The following SHISA9 variants were observed in gnomAD, a reference collection of about 807,000 sequenced individuals.
The protein encoded by SHISA9 is protein shisa-9.
In SHISA9, 13 loss-of-function variants were observed where a neutral mutation model predicts 38.0. That is an observed-to-expected ratio of 0.34 (90% CI 0.22 to 0.54). SHISA9 has a LOEUF of 0.54. Ranked by LOEUF, SHISA9 falls within the 20% of genes least tolerant of loss-of-function variation. SHISA9 has a pLI of 0.91. For synonymous variants in SHISA9, 275 were observed against 242.0 expected (o/e 1.14, Z -1.27); for missense variants, 538 against 575.8 (o/e 0.93, Z 0.67).
intron 2 of SHISA9, among the ~76,000 whole-genome samples, chr16:12,987,195 G>A (rs16960947): frequency 0.015 from 2,324 of 152,176 alleles, 56 homozygotes; most frequent in African/African-American, 0.052. Context: ...GCCTCTGTCC[G>A]TAGATCTATA....
rs562670891 is a variant in SHISA9 at position 13,013,758 on chromosome 16, C to T, written c.691+96943C>T. 9.9e-5 allele frequency among the ~76,000 whole-genome samples: 15 copies of T among 151,864 alleles called. 1 individual carries two copies. In the South Asian group the frequency reaches 2.7e-3, roughly 27 times the overall value. On this transcript the variant is annotated intron_variant, in intron 2 of 4. Transcript: ENST00000558583. ...CTTTTTTTTTTTTGAGACGGAGTCT[C>T]GCTCTGTCGCCCAGGCTGGAGTGCA...
At chr16:13,426,039 C>T in the SHISA9 span, among the ~76,000 whole-genome samples, 1 of 152,072 alleles carries the variant, frequency 6.6e-6, no homozygotes, top group Non-Finnish European at 1.5e-5. Flanking sequence ...TTATCTTCCC[C>T]TTTCTGAGCC....
intron 2 of SHISA9, among the ~76,000 whole-genome samples, chr16:13,165,042 G>A (rs1293549824): frequency 6.6e-6 from 1 of 152,084 alleles, no homozygotes; most frequent in Admixed American, 6.5e-5. Flanking sequence ...CAGCAATTTA[G>A]TTAAGGTATG....
the SHISA9 span, among the ~76,000 whole-genome samples, chr16:13,453,358 G>A: frequency 2.0e-5 from 3 of 152,170 alleles, no homozygotes; most frequent in East Asian, 1.9e-4. Flanking sequence ...CTGTAATTCT[G>A]TAACTCCCTG....
At chr16:13,490,334 G>A in the SHISA9 span, among the ~76,000 whole-genome samples, 21 of 152,148 alleles carry the variant, frequency 1.4e-4, no homozygotes, top group African/African-American at 5.1e-4. Context: ...AGGCTGAGGC[G>A]GGTGGATTGC....
chr16:13,424,263 C>T, the SHISA9 span, among the ~76,000 whole-genome samples: 1 of 152,234 alleles, frequency 6.6e-6, no homozygotes, highest in Non-Finnish European at 1.5e-5. Flanking sequence ...CCGCATTGAG[C>T]TGGGCTCAAA....
At chr16:13,290,570 C>A in the SHISA9 span, among the ~76,000 whole-genome samples, 1 of 152,106 alleles carries the variant, frequency 6.6e-6, no homozygotes, top group Admixed American at 6.6e-5. Flanking sequence ...AGCCCTGAAT[C>A]CAACTAAACC....
intron 2 of SHISA9, among the ~76,000 whole-genome samples, chr16:13,144,098 A>G (rs1400758323): frequency 1.3e-5 from 2 of 150,550 alleles, no homozygotes; most frequent in Non-Finnish European, 2.9e-5. Flanking sequence ...GCCTTCTGAC[A>G]GATGAATTAG....
At chr16:13,109,247 A>T (rs2073955131) in intron 2 of SHISA9, among the ~76,000 whole-genome samples, 2 of 151,886 alleles carry the variant, frequency 1.3e-5, no homozygotes, top group South Asian at 4.1e-4. Context: ...GGTGACCTTG[A>T]ACTCCTGGGC....
At chr16:13,034,717 G>T (rs1407657922) in intron 2 of SHISA9, among the ~76,000 whole-genome samples, 1 of 152,198 alleles carries the variant, frequency 6.6e-6, no homozygotes. Flanking sequence ...TATGGTAGGA[G>T]TGACTATGTG....
At chr16:13,331,803 G>A in the SHISA9 span, 3 of 152,126 alleles carry the variant, frequency 2.0e-5, no homozygotes, top group African/African-American at 7.2e-5. Context: ...CTAGTCCTTG[G>A]TTTCCTATCT....
chr16:13,252,982 C>G, the SHISA9 span, among the ~76,000 whole-genome samples: 2 of 152,222 alleles, frequency 1.3e-5, no homozygotes, highest in Non-Finnish European at 2.9e-5. Flanking sequence ...CACTCCTCTT[C>G]TTTAGCCTCC....
Position 12,902,231 on chromosome 16 carries a change from A to G in SHISA9, c.167A>G (p.Glu56Gly). ...GGGGCCGCCTCCGGAGAGGCCAGCG[A>G]GGGCGCTGAGGCATCGGACGCGCCC... ...RSGAASGEAS[E>G]GAEASDAPPT... Residue 56 changes from glutamate (E) to glycine (G), a missense_variant, in exon 1 of 5, where the codon GAG (glutamate) becomes GGG (glycine). Coordinates refer to ENST00000558583, the MANE Select transcript of SHISA9 (RefSeq NM_001145204.3). The G allele has an allele frequency of 1.3e-6, 2 of 1,540,700 alleles. No individual in the cohort carries two copies. The highest frequency in any genetic ancestry group is 1.7e-6 in the Non-Finnish European group (2 of 1,146,022).
chr16:13,540,867 G>A, the SHISA9 span, among the ~76,000 whole-genome samples: 1 of 152,126 alleles, frequency 6.6e-6, no homozygotes, highest in Non-Finnish European at 1.5e-5. Context: ...GCTGTTACCA[G>A]CTTCTTGCCA....
chr16:13,485,792 A>G, the SHISA9 span, among the ~76,000 whole-genome samples: 4 of 152,084 alleles, frequency 2.6e-5, no homozygotes, highest in Non-Finnish European at 5.9e-5. Flanking sequence ...ATCTCTCCAC[A>G]CTGCCTTTTC....
At chr16:12,988,894 G>T (rs1413741915) in intron 2 of SHISA9, among the ~76,000 whole-genome samples, 3 of 152,264 alleles carry the variant, frequency 2.0e-5, no homozygotes, top group Non-Finnish European at 2.9e-5. Flanking sequence ...TTCGCCTGTT[G>T]TAAGTATTCA....
intron 2 of SHISA9, among the ~76,000 whole-genome samples, chr16:12,946,320 A>G (rs566204412): frequency 6.6e-6 from 1 of 152,308 alleles, no homozygotes; most frequent in South Asian, 2.1e-4. Context: ...TCTTGGCTAT[A>G]GAATCTCATA....
chr16:13,178,860 G>GT (rs1277112573), intron 2 of SHISA9, among the ~76,000 whole-genome samples: 1 of 139,370 alleles, frequency 7.2e-6, no homozygotes, highest in African/African-American at 2.8e-5. Flanking sequence ...TGTTGTTGTT[G>GT]TTGTTTGTTT....
the SHISA9 span, among the ~76,000 whole-genome samples, chr16:13,300,712 T>G: frequency 6.6e-6 from 1 of 152,148 alleles, no homozygotes; most frequent in Non-Finnish European, 1.5e-5. Flanking sequence ...CTCTCTCCCC[T>G]GCTGGCCCCA....
Sources: gnomAD v4.1 joint callset for allele counts (sites outside exome capture counted in the v4.1 genomes callset) on GRCh38, gnomAD v4.1.1 for gene constraint, MANE v1.5 for transcripts, NCBI Gene and HGNC (gene_info 2026-07-23, HGNC 2026-07-21) for gene names.